ANKRD26: variants seen among roughly 807,000 people sequenced by gnomAD.
ANKRD26 encodes ankyrin repeat domain 26.
Under a neutral mutation model 208.7 loss-of-function variants are expected in ANKRD26, and 141 were observed. The ratio of observed to expected loss-of-function variants is 0.68; its 90% CI spans 0.59 to 0.78. The LOEUF is 0.78. ANKRD26 is among the 30% of genes least tolerant of loss of function. The probability of loss-of-function intolerance (pLI) is 0.00; values close to 1 mark genes in which losing one functional copy is unlikely to be tolerated. For missense variants in ANKRD26, 1,889 were observed against 1,938.7 expected (o/e 0.97, Z 0.48); for synonymous variants, 636 against 660.4 (o/e 0.96, Z 0.57).
chr10:26,948,266 G>C, the ANKRD26 span, among the ~76,000 whole-genome samples: 184 of 152,166 alleles, frequency 1.2e-3, no homozygotes, highest in Middle Eastern at 0.031. Flanking sequence ...AATTCATCAG[G>C]GTCCTGGGTA....
chr10:27,089,882 AAT>A (rs2135706684), intron 4 of ANKRD26, among the ~76,000 whole-genome samples: 1 of 149,124 alleles, frequency 6.7e-6, no homozygotes, highest in East Asian at 2.1e-4. Context: ...GAAGTAGGCT[AAT>A]TCACTGCCAT....
chr10:27,033,679 A>G (rs1333153128), intron 24 of ANKRD26, among the ~76,000 whole-genome samples: 1 of 152,210 alleles, frequency 6.6e-6, no homozygotes, highest in Non-Finnish European at 1.5e-5. Flanking sequence ...AAGTCTCGAA[A>G]TAGTTATGTG....
At chr10:27,055,737 T>C (rs2054816949) in intron 15 of ANKRD26, among the ~76,000 whole-genome samples, 1 of 152,198 alleles carries the variant, frequency 6.6e-6, no homozygotes, top group African/African-American at 2.4e-5. Context: ...GGGGATACAC[T>C]ATAGAGCAAA....
Position 27,100,220 on chromosome 10 carries a change from G to A in ANKRD26, c.107C>T (p.Ser36Leu), listed in dbSNP as rs370482604. The A allele has an allele frequency of 1.2e-6, 2 of 1,613,116 alleles. No homozygotes were observed. Among genetic ancestry groups the A allele is most frequent in the East Asian group, 2.2e-5 (1 of 44,880 alleles). Residue 36 changes from serine to leucine, a missense_variant, in exon 1 of 34, where the codon TCG (serine) becomes TTG (leucine). Ser to Leu is a moderately radical substitution (Grantham distance 145). Around this residue, in one of 3 missense-constraint regions of ANKRD26, gnomAD observed 1,272 missense variants for 1,273.8 expected, o/e 1.00. Coordinates refer to ENST00000376087, the MANE Select transcript of ANKRD26 (RefSeq NM_014915.3). ...GGGEPGEGAYSQPGYHVRDRD... is the reference protein window; with the variant it reads ...GGGEPGEGAYLQPGYHVRDRD... ...GTCTCGGACGTGGTAGCCGGGCTGC[G>A]AGTAGGCGCCCTCCCCCGGCTCGCC...
At chr10:27,054,700 C>T (rs570002135) in intron 15 of ANKRD26, among the ~76,000 whole-genome samples, 3 of 152,084 alleles carry the variant, frequency 2.0e-5, no homozygotes, top group Admixed American at 6.6e-5. Flanking sequence ...TAACAGCATG[C>T]AAGGCAGCAA....
rs1235420138 is a variant in ANKRD26, at chr10:27,013,102, T to G, written c.4733A>C (p.Glu1578Ala). 1 of 1,613,646 alleles carries G rather than the reference T, an allele frequency of 6.2e-7. No homozygotes were observed. Among genetic ancestry groups the G allele is most frequent in the Admixed American group, 1.7e-5 (1 of 59,960 alleles). Residue 1578 changes from glutamate to alanine, a missense_variant, in exon 32 of 34, where the codon GAG (glutamate) becomes GCG (alanine). Glu to Ala is a moderately radical substitution (Grantham distance 107, BLOSUM62 -1). Coordinates refer to ENST00000376087, the MANE Select transcript of ANKRD26 (RefSeq NM_014915.3). ...SLSSKLTKTN[E>A]RLAEVNTKLL... is the part of the protein sequence containing the mutation. The stretch of plus-strand genomic sequence containing the variant: ...TTTGGTGTTGACCTCTGCTAGCCTC[T>G]CATTAGTTCTGTGAAGATTGCAGAA...
intron 3 of ANKRD26, among the ~76,000 whole-genome samples, chr10:27,093,088 CAA>C (rs879854814): frequency 8.0e-6 from 1 of 124,286 alleles, no homozygotes; most frequent in Non-Finnish European, 1.7e-5. Context: ...GACTCTGTCT[CAA>C]AAAAAAAAAA....
chr10:26,952,755 C>G, the ANKRD26 span, among the ~76,000 whole-genome samples: 16 of 152,156 alleles, frequency 1.1e-4, no homozygotes, highest in African/African-American at 3.1e-4. Context: ...AAAACAGTAA[C>G]CTACCAATTG....
At chr10:27,019,923 C>T (rs1195807975) in intron 29 of ANKRD26, among the ~76,000 whole-genome samples, 1 of 152,196 alleles carries the variant, frequency 6.6e-6, no homozygotes, top group East Asian at 1.9e-4. Context: ...TGTCTCTGTT[C>T]CCCTCAGGTT....
At chr10:27,061,540 T>G (rs1001087425) in intron 12 of ANKRD26, among the ~76,000 whole-genome samples, 25 of 149,856 alleles carry the variant, frequency 1.7e-4, no homozygotes, top group Non-Finnish European at 3.0e-4. Context: ...CTCATTTGAT[T>G]AATATCAATG....
chr10:26,997,363 T>C (rs2052615565), intron 4 of ANKRD26, among the ~76,000 whole-genome samples: 1 of 152,184 alleles, frequency 6.6e-6, no homozygotes, highest in Non-Finnish European at 1.5e-5. Context: ...GGTTAATGAT[T>C]ATATTAATCT....
At chr10:27,063,047 C>T (rs769677725) in intron 12 of ANKRD26, among the ~76,000 whole-genome samples, 1 of 152,070 alleles carries the variant, frequency 6.6e-6, no homozygotes, top group African/African-American at 2.4e-5. Flanking sequence ...CGTGAGCCAC[C>T]GTGCCCAGCC....
chr10:27,082,451 T>C (rs59162492), intron 6 of ANKRD26, among the ~76,000 whole-genome samples: 7,509 of 152,268 alleles, frequency 0.049, 221 homozygotes, highest in African/African-American at 0.084. Flanking sequence ...AGAGTTAACA[T>C]AGAACTAAAT....
chr10:27,077,170 T>C, intron 9 of ANKRD26, 168 bp downstream of exon 9: 1 of 634,264 alleles, frequency 1.6e-6, no homozygotes, highest in South Asian at 2.0e-5. Flanking sequence ...GTGGGTTTCA[T>C]TTCAAGGATG....
Position 27,043,380 on chromosome 10 carries a change from A to C in ANKRD26, c.2161+46T>G, listed in dbSNP as rs573750130. On this transcript the variant is annotated intron_variant, in intron 20 of 33. Coordinates refer to ENST00000376087, the MANE Select transcript of ANKRD26 (RefSeq NM_014915.3). ...ATACATTTATTACATTACATACATTACAATGGGATACATAAAAAGGCCTTA... is the reference window on the plus strand; with the variant it reads ...ATACATTTATTACATTACATACATTCCAATGGGATACATAAAAAGGCCTTA... 2.3e-5 allele frequency: 36 copies of C among 1,591,434 alleles called. No individual in the cohort carries two copies. The South Asian group carries it at 3.9e-4, about 17-fold the overall frequency.
At chr10:26,949,664 C>T in the ANKRD26 span, among the ~76,000 whole-genome samples, 1 of 152,134 alleles carries the variant, frequency 6.6e-6, no homozygotes, top group Non-Finnish European at 1.5e-5. Context: ...GCCACCACGC[C>T]TGGCTAATTT....
rs779410461 is a variant in ANKRD26, at chr10:27,039,985, T to C, written c.2355A>G (p.Glu785=). Residue 785 remains glutamate (E), a synonymous_variant, in exon 21 of 34, where the codon GAA becomes GAG. Transcript: ENST00000376087. ...SQLEHQKVEW[E]RELCSLRFSL... Reference sequence around the variant, plus strand: ...CATACCTCAAAGAGCACAGTTCTCGTTCCCATTCAACTTTTTGATGCTCTA... The same window carrying C: ...CATACCTCAAAGAGCACAGTTCTCGCTCCCATTCAACTTTTTGATGCTCTA... The C allele has an allele frequency of 6.2e-7, 1 of 1,613,672 alleles. No individual in the cohort carries two copies. The highest frequency in any genetic ancestry group is 2.2e-5 in the East Asian group (1 of 44,786).
rs753926615 is a variant in ANKRD26 at position 27,040,110 on chromosome 10, T to C, written c.2230A>G (p.Asn744Asp). The change falls in exon 21 of 34, where the codon AAT (asparagine) becomes GAT (aspartate). Residue 744 changes from asparagine (N) to aspartate (D), a missense_variant. Transcript: ENST00000376087. ...SCERLLELKKNHCELLTVKIK... is the reference protein window; with the variant it reads ...SCERLLELKKDHCELLTVKIK... ...TTTACTGTAAGTAGTTCACAGTGAT[T>C]TTTTTTAAGTTCTAATAATCTTTCA... 6.2e-7 allele frequency: 1 copy of C among 1,613,098 alleles called. No individual in the cohort carries two copies. Among genetic ancestry groups the C allele is most frequent in the Admixed American group, 1.7e-5 (1 of 60,014 alleles).
the ANKRD26 span, among the ~76,000 whole-genome samples, chr10:26,968,208 A>T: frequency 6.6e-6 from 1 of 152,130 alleles, no homozygotes; most frequent in East Asian, 1.9e-4. Flanking sequence ...CCATTCCAGG[A>T]ACTCAACCTG....
Sources: gnomAD v4.1 joint callset for allele counts (sites outside exome capture counted in the v4.1 genomes callset) on GRCh38, gnomAD v4.1.1 for gene constraint, gnomAD v4.1.1 regional missense constraint, MANE v1.5 for transcripts, NCBI Gene and HGNC (gene_info 2026-07-23, HGNC 2026-07-21) for gene names.